Variants in NUP93 observed in about 807,000 individuals in gnomAD.
The protein encoded by NUP93 is nuclear pore complex protein Nup93.
NUP93 carries 55 observed loss-of-function variants against 107.8 expected under a neutral mutation model. The ratio of observed to expected loss-of-function variants is 0.51; its 90% confidence interval spans 0.41 to 0.64. The LOEUF (loss-of-function observed/expected upper bound fraction) is 0.64. Ranked by LOEUF, NUP93 falls within the 30% of genes least tolerant of loss-of-function variation. NUP93 has a pLI of 0.00. For missense variants in NUP93, 937 were observed against 1,044.7 expected (o/e 0.90, Z 1.42); for synonymous variants, 390 against 397.5 (o/e 0.98, Z 0.22).
chr16:56,748,806 C>G (rs958064033), intron 2 of NUP93, among the ~76,000 whole-genome samples: 11 of 152,124 alleles, frequency 7.2e-5, no homozygotes, highest in African/African-American at 2.7e-4. Flanking sequence ...ACCTTCAAAG[C>G]TAGAGAGCAC....
rs143304182 is a variant in NUP93 at position 56,795,791 on chromosome 16, C to T, written c.298-2685C>T. Among the ~76,000 whole-genome samples the T allele has an allele frequency of 4.7e-3, 714 of 152,134 alleles. 4 individuals are homozygous for T. Among genetic ancestry groups the T allele is most frequent in the African/African-American group, 0.016 (671 of 41,476 alleles). On this transcript the variant is annotated intron_variant, in intron 3 of 21. Coordinates refer to ENST00000308159, the MANE Select transcript of NUP93 (RefSeq NM_014669.5). ...CCTCCCGAGTAGCTGGGATTATAGG[C>T]GCCCGCCACCACGGCTGGCTAATCT...
intron 1 of NUP93, among the ~76,000 whole-genome samples, chr16:56,734,442 G>A (rs1397427115): frequency 3.3e-5 from 5 of 152,182 alleles, no homozygotes; most frequent in African/African-American, 7.2e-5. Context: ...GAGTTGGGTC[G>A]GGGACAGTCA....
rs191121379 is a variant in NUP93, at chr16:56,807,710, T to A, written c.489+2078T>A. On this transcript the variant is annotated intron_variant, in intron 5 of 21. Transcript: ENST00000308159. ...AAGTTGAAATTTTTTTCCCTCTTTT[T>A]AAAATTTAATTTTAAAATATAGGCA... is the stretch of plus-strand genomic sequence containing the variant. 5.8e-3 allele frequency among the ~76,000 whole-genome samples: 888 copies of A among 152,280 alleles called. 31 individuals are homozygous for A. Among genetic ancestry groups the A allele is most frequent in the Non-Finnish European group, 3.6e-3 (247 of 68,024 alleles).
At chr16:56,773,558 G>A (rs1962359593) in intron 3 of NUP93, among the ~76,000 whole-genome samples, 1 of 152,192 alleles carries the variant, frequency 6.6e-6, no homozygotes, top group African/African-American at 2.4e-5. Context: ...AAAGCCTTTT[G>A]GTCAGTGATT....
intron 16 of NUP93, among the ~76,000 whole-genome samples, chr16:56,835,952 C>T (rs1596859859): frequency 6.6e-6 from 1 of 152,108 alleles, no homozygotes; most frequent in East Asian, 1.9e-4. Context: ...CACGGTGAAA[C>T]CCTGTCTCTA....
chr16:56,765,883 T>C (rs2144493693), intron 3 of NUP93, among the ~76,000 whole-genome samples: 1 of 152,298 alleles, frequency 6.6e-6, no homozygotes, highest in South Asian at 2.1e-4. Context: ...AATGATTTAA[T>C]TTTTCTGCCT....
At chr16:56,827,069 A>AAAAAAAAAAAAAAAAAAAACAT (rs1430722800) in intron 8 of NUP93, among the ~76,000 whole-genome samples, 1 of 125,664 alleles carries the variant, frequency 8.0e-6, no homozygotes, top group Non-Finnish European at 1.7e-5. Context: ...AAAAAAAAAA[A>AAAAAAAAAAAAAAAAAAAACAT]TTTTGTTGAG....
intron 3 of NUP93, among the ~76,000 whole-genome samples, chr16:56,789,910 C>T (rs1962718391): frequency 2.0e-5 from 3 of 152,250 alleles, no homozygotes; most frequent in South Asian, 4.1e-4. Flanking sequence ...ACCAGCCTGG[C>T]CAACATGATG....
chr16:56,734,278 T>C (rs143976920), intron 1 of NUP93, among the ~76,000 whole-genome samples: 7 of 152,268 alleles, frequency 4.6e-5, no homozygotes, highest in Non-Finnish European at 1.0e-4. Flanking sequence ...TTAAGGGGGT[T>C]AGCTAGGTAG....
intron 2 of NUP93, among the ~76,000 whole-genome samples, chr16:56,756,203 T>A (rs1962015709): frequency 6.6e-6 from 1 of 151,392 alleles, no homozygotes; most frequent in African/African-American, 2.4e-5. Context: ...GATATACATG[T>A]GCCATGGTGG....
Position 56,836,574 on chromosome 16 carries a change from C to T in NUP93, c.1783-27C>T, listed in dbSNP as rs773078747. 3.0e-6 allele frequency: 4 copies of T among 1,354,430 alleles called. No homozygotes were observed. The South Asian group carries it at 3.5e-5, about 12-fold the overall frequency. 83.9% of individuals were successfully genotyped at this position (1,354,430 alleles called of 1,614,324 possible). On this transcript the variant is annotated intron_variant, in intron 16 of 21. Transcript: ENST00000308159. ...GCTCTGTGCACCCGTCTCTCTCTTC[C>T]TCCCCCTCCATAATTTGTCTTGTCA... is the stretch of plus-strand genomic sequence containing the variant.
Position 56,805,516 on chromosome 16 carries a change from G to C in NUP93, c.373G>C (p.Ala125Pro), listed in dbSNP as rs766061167. The C allele has an allele frequency of 1.9e-6, 3 of 1,614,042 alleles. No individual in the cohort carries two copies. The East Asian group carries it at 6.7e-5, about 36-fold the overall frequency. ...EESRKRTFGM[A>P]EEYHRESMLV... ...TCCTTTCTGGCAGACCTTCGGCATG[G>C]CTGAGGAGTACCATCGGGAGTCAAT... Residue 125 changes from alanine (A) to proline (P), a missense_variant, in exon 5 of 22, where the codon GCT (alanine) becomes CCT (proline). Physicochemically the swap from Ala to Pro is conservative, Grantham distance 27. Coordinates refer to ENST00000308159, the MANE Select transcript of NUP93 (RefSeq NM_014669.5).
At chr16:56,796,686 A>C (rs534169618) in intron 3 of NUP93, among the ~76,000 whole-genome samples, 3 of 152,358 alleles carry the variant, frequency 2.0e-5, no homozygotes, top group African/African-American at 7.2e-5. Flanking sequence ...TTCTTTAAAA[A>C]GCAAAAACAC....
chr16:56,815,881 C>CTGCTGCTGCTGCTGCTGG (rs1241178680), intron 5 of NUP93, among the ~76,000 whole-genome samples: 3 of 103,896 alleles, frequency 2.9e-5, no homozygotes, highest in Non-Finnish European at 6.7e-5. Flanking sequence ...GCTGCTGCTG[C>CTGCTGCTGCTGCTGCTGG]TGCTGCTGCT....
chr16:56,791,576 C>T (rs2144540713), intron 3 of NUP93, among the ~76,000 whole-genome samples: 1 of 152,338 alleles, frequency 6.6e-6, no homozygotes. Flanking sequence ...GAATTAGCTG[C>T]CATCTGTATT....
intron 3 of NUP93, among the ~76,000 whole-genome samples, chr16:56,774,908 T>G (rs903473006): frequency 1.3e-5 from 2 of 151,658 alleles, no homozygotes; most frequent in Non-Finnish European, 2.9e-5. Flanking sequence ...TTTTTGTTTT[T>G]TTTTTTTTTG....
chr16:56,816,902 A>G (rs1390423667), intron 5 of NUP93, among the ~76,000 whole-genome samples: 3 of 152,120 alleles, frequency 2.0e-5, no homozygotes, highest in Non-Finnish European at 2.9e-5. Context: ...GTTAAGAAAC[A>G]TTTACCAGCA....
At position 56,848,230 on chromosome 16, in the gene NUP93, G is replaced by T. The variant is rs1192054578; in HGVS notation, c.*3621G>T. ...TGCTGAGTCAGAAAATGAACCCCTG[G>T]GCTGGCGGGTTGACCCAGGCCTGAC... On this transcript the variant is annotated 3_prime_UTR_variant, in exon 22 of 22. Coordinates refer to ENST00000308159, the MANE Select transcript of NUP93 (RefSeq NM_014669.5). 1 of 152,212 alleles carries T rather than the reference G, an allele frequency of 6.6e-6. No individual in the cohort carries two copies. The highest frequency in any genetic ancestry group is 1.9e-4 in the East Asian group (1 of 5,192). The allele number at this position is 152,212 out of a possible 1,614,324, so 9.4% of individuals were successfully genotyped here. A position where few individuals can be genotyped will look rare whatever the true frequency, so the allele number is the denominator to read the frequency against.
At chr16:56,781,793 G>T (rs538870704) in intron 3 of NUP93, 1 of 982,504 alleles carries the variant, frequency 1.0e-6, no homozygotes. Flanking sequence ...GGTACAGTCC[G>T]TTAACAATAA....
Sources: gnomAD v4.1 joint callset for allele counts (sites outside exome capture counted in the v4.1 genomes callset) on GRCh38, gnomAD v4.1.1 for gene constraint, MANE v1.5 for transcripts, NCBI Gene and HGNC (gene_info 2026-07-23, HGNC 2026-07-21) for gene names.